The following MSRA variants were observed in gnomAD, a reference collection of about 807,000 sequenced individuals.
The protein encoded by MSRA is methionine sulfoxide reductase A, also known as mitochondrial peptide methionine sulfoxide reductase.
A neutral mutation model predicts 31.3 loss-of-function variants in MSRA; 54 were observed. That is an observed-to-expected ratio of 1.73 (90% CI 1.39 to 2.17). MSRA has a LOEUF of 2.17. Among genes scored for constraint, MSRA ranks in the 30% most tolerant of loss-of-function variants. MSRA has a pLI of 0.00. For synonymous variants in MSRA, 169 were observed against 116.5 expected, an observed-to-expected ratio of 1.45 and a Z score of -2.90; for missense variants, 507 against 300.9, an observed-to-expected ratio of 1.69 and a Z score of -5.07.
intron 3 of MSRA, among the ~76,000 whole-genome samples, chr8:10,282,693 G>A (rs906663268): frequency 1.3e-5 from 2 of 152,170 alleles, no homozygotes. Flanking sequence ...CTTGTATTCA[G>A]TATACCTCCA....
At chr8:10,210,775 C>A (rs942428035) in intron 2 of MSRA, among the ~76,000 whole-genome samples, 16 of 151,590 alleles carry the variant, frequency 1.1e-4, no homozygotes, top group African/African-American at 3.9e-4. Context: ...ACTCTGTTGC[C>A]CATGCTGGAG....
At chr8:10,262,922 G>T (rs1311259868) in intron 3 of MSRA, among the ~76,000 whole-genome samples, 1 of 152,112 alleles carries the variant, frequency 6.6e-6, no homozygotes, top group Non-Finnish European at 1.5e-5. Context: ...TTTTTGCCGT[G>T]TTGGTCATTT....
intron 1 of MSRA, among the ~76,000 whole-genome samples, chr8:10,055,123 G>A (rs1207667423): frequency 2.0e-5 from 3 of 151,918 alleles, no homozygotes. Flanking sequence ...GAGACGAGAC[G>A]ATGAAAACCT....
At chr8:10,251,683 C>G (rs1797923644) in intron 3 of MSRA, among the ~76,000 whole-genome samples, 1 of 152,154 alleles carries the variant, frequency 6.6e-6, no homozygotes, top group Admixed American at 6.5e-5. Context: ...ACCATCTTCC[C>G]CACACCCACA....
At chr8:10,384,703 A>G (rs1336775593) in intron 5 of MSRA, among the ~76,000 whole-genome samples, 1 of 152,120 alleles carries the variant, frequency 6.6e-6, no homozygotes, top group African/African-American at 2.4e-5. Flanking sequence ...CTATTTGGAG[A>G]ACTGTTAAAG....
At chr8:10,420,489 T>G (rs1808741466) in intron 5 of MSRA, among the ~76,000 whole-genome samples, 1 of 152,148 alleles carries the variant, frequency 6.6e-6, no homozygotes, top group Non-Finnish European at 1.5e-5. Context: ...TTCTTACAGT[T>G]CTTGTGGTCT....
intron 5 of MSRA, among the ~76,000 whole-genome samples, chr8:10,366,661 AAC>A (rs940959720): frequency 1.3e-5 from 2 of 152,068 alleles, no homozygotes; most frequent in African/African-American, 4.8e-5. Flanking sequence ...TTGTACCTGT[AAC>A]AGTACCTGCT....
At chr8:10,078,413 C>G (rs1202456813) in intron 1 of MSRA, among the ~76,000 whole-genome samples, 1 of 152,212 alleles carries the variant, frequency 6.6e-6, no homozygotes, top group Non-Finnish European at 1.5e-5. Context: ...TGTAGGCTCA[C>G]TGGGGACCCT....
At chr8:10,177,961 G>C (rs1806200211) in intron 1 of MSRA, among the ~76,000 whole-genome samples, 1 of 152,172 alleles carries the variant, frequency 6.6e-6, no homozygotes, top group South Asian at 2.1e-4. Flanking sequence ...GAATTACTTT[G>C]AACCAGGTCA....
chr8:10,244,196 A>G (rs1181593131), intron 2 of MSRA, among the ~76,000 whole-genome samples: 2 of 152,226 alleles, frequency 1.3e-5, no homozygotes, highest in Non-Finnish European at 2.9e-5. Flanking sequence ...GCCATATAAA[A>G]TTTGAGTGAG....
At position 10,349,336 on chromosome 8, in the gene MSRA, G is replaced by A. The variant is rs1025978023; in HGVS notation, c.543+29347G>A. 3.9e-5 allele frequency among the ~76,000 whole-genome samples: 6 copies of A among 152,076 alleles called. 1 individual carries two copies. In the South Asian group the frequency reaches 1.0e-3, roughly 26 times the overall value. ...ATGCAGTGAACTGGGTTTCTGCTCC[G>A]CCGTGCTCTTCCCCATTCTCTGTGG... On this transcript the variant is annotated intron_variant, in intron 5 of 5. Coordinates refer to ENST00000317173, the MANE Select transcript of MSRA (RefSeq NM_012331.5).
At chr8:10,350,501 GAA>G (rs1412577538) in intron 5 of MSRA, among the ~76,000 whole-genome samples, 1 of 152,224 alleles carries the variant, frequency 6.6e-6, no homozygotes, top group Non-Finnish European at 1.5e-5. Flanking sequence ...GACATCCAGT[GAA>G]TCTACTATTA....
chr8:10,075,133 A>T (rs1210936825), intron 1 of MSRA, among the ~76,000 whole-genome samples: 1 of 152,176 alleles, frequency 6.6e-6, no homozygotes, highest in Non-Finnish European at 1.5e-5. Context: ...TATAATAGTG[A>T]TTATTGTATT....
intron 1 of MSRA, among the ~76,000 whole-genome samples, chr8:10,146,453 GTA>G (rs1000084587): frequency 3.9e-5 from 6 of 152,210 alleles, no homozygotes; most frequent in Non-Finnish European, 8.8e-5. Flanking sequence ...AGAACTGTGA[GTA>G]AAACAGCTGC....
intron 5 of MSRA, among the ~76,000 whole-genome samples, chr8:10,385,806 G>C (rs1429059557): frequency 2.0e-5 from 3 of 147,548 alleles, no homozygotes; most frequent in Admixed American, 6.8e-5. Flanking sequence ...CTCACCTGGT[G>C]GGGGGTGGGG....
At chr8:10,237,656 C>G (rs1812059339) in intron 2 of MSRA, among the ~76,000 whole-genome samples, 2 of 152,274 alleles carry the variant, frequency 1.3e-5, no homozygotes, top group South Asian at 4.2e-4. Flanking sequence ...TTACAACCGC[C>G]TGATCTTTTC....
intron 5 of MSRA, among the ~76,000 whole-genome samples, chr8:10,360,641 G>A (rs1031129190): frequency 2.6e-5 from 4 of 152,200 alleles, no homozygotes; most frequent in African/African-American, 9.7e-5. Context: ...TAGCATACAC[G>A]AAACTGTCTA....
At chr8:10,315,435 A>G (rs1163521388) in intron 4 of MSRA, among the ~76,000 whole-genome samples, 1 of 152,258 alleles carries the variant, frequency 6.6e-6, no homozygotes, top group Non-Finnish European at 1.5e-5. Context: ...AGTGGTGGTG[A>G]TGTGAGTATT....
chr8:10,169,679 T>C (rs748743418), intron 1 of MSRA, among the ~76,000 whole-genome samples: 7 of 152,238 alleles, frequency 4.6e-5, no homozygotes, highest in Admixed American at 2.6e-4. Flanking sequence ...AAGACAAATC[T>C]TGCCCATGTT....
Sources: allele counts gnomAD v4.1 joint callset (sites outside exome capture counted in the v4.1 genomes callset), GRCh38; gene constraint gnomAD v4.1.1; transcripts MANE v1.5; gene names NCBI Gene and HGNC (gene_info 2026-07-23, HGNC 2026-07-21).